The following NXPH1 variants were observed in gnomAD, a reference collection of about 807,000 sequenced individuals.
The protein encoded by NXPH1 is neurexophilin 1.
In NXPH1, 5 loss-of-function variants were observed where a neutral mutation model predicts 23.7. The ratio of observed to expected loss-of-function variants is 0.21; its 90% confidence interval spans 0.11 to 0.44. The LOEUF (loss-of-function observed/expected upper bound fraction) is 0.44. NXPH1 is among the 20% of genes least tolerant of loss of function. NXPH1 has a pLI of 0.99. For missense variants in NXPH1, 324 were observed against 321.6 expected (o/e 1.01, Z -0.06); for synonymous variants, 144 against 122.2 (o/e 1.18, Z -1.18).
intron 2 of NXPH1, among the ~76,000 whole-genome samples, chr7:8,574,792 G>T (rs1435073190): frequency 1.3e-5 from 2 of 152,132 alleles, no homozygotes; most frequent in African/African-American, 4.8e-5. Context: ...AGATTCATAG[G>T]ACCTCAAATA....
intron 2 of NXPH1, among the ~76,000 whole-genome samples, chr7:8,514,752 G>T (rs950249777): frequency 1.3e-5 from 2 of 152,002 alleles, no homozygotes; most frequent in Non-Finnish European, 2.9e-5. Context: ...TTTTTAAATT[G>T]CATGCTATTC....
At chr7:8,717,403 A>T (rs752339861) in intron 2 of NXPH1, among the ~76,000 whole-genome samples, 12 of 152,168 alleles carry the variant, frequency 7.9e-5, no homozygotes, top group Non-Finnish European at 1.5e-4. Context: ...TGACTGACTG[A>T]TCTTTAGTGA....
At chr7:8,588,687 A>C (rs573333665) in intron 2 of NXPH1, among the ~76,000 whole-genome samples, 184 of 152,258 alleles carry the variant, frequency 1.2e-3, no homozygotes, top group Middle Eastern at 3.4e-3. Flanking sequence ...GAATAGAGTC[A>C]CATGGCACAC....
At chr7:8,720,833 A>G (rs1779958957) in intron 2 of NXPH1, among the ~76,000 whole-genome samples, 1 of 152,256 alleles carries the variant, frequency 6.6e-6, no homozygotes, top group African/African-American at 2.4e-5. Flanking sequence ...CTAAAGTTCT[A>G]GAACTTTCCT....
At chr7:8,570,844 T>C (rs1453183953) in intron 2 of NXPH1, among the ~76,000 whole-genome samples, 1 of 151,698 alleles carries the variant, frequency 6.6e-6, no homozygotes, top group Admixed American at 6.6e-5. Context: ...TATATTTTGA[T>C]AATTTGGTAG....
intron 2 of NXPH1, among the ~76,000 whole-genome samples, chr7:8,712,743 C>T (rs1205081652): frequency 6.6e-6 from 1 of 152,192 alleles, no homozygotes; most frequent in African/African-American, 2.4e-5. Context: ...GAATATGAAA[C>T]TCAGAGAGGT....
chr7:8,531,428 T>A (rs946682882), intron 2 of NXPH1, among the ~76,000 whole-genome samples: 2 of 152,156 alleles, frequency 1.3e-5, no homozygotes, highest in Non-Finnish European at 1.5e-5. Flanking sequence ...AAACATCTCT[T>A]CCCAAGTGAG....
intron 2 of NXPH1, among the ~76,000 whole-genome samples, chr7:8,483,965 CTTTTT>C (rs60436502): frequency 7.6e-6 from 1 of 132,336 alleles, no homozygotes; most frequent in Admixed American, 7.4e-5. Context: ...CTCCCCCCAC[CTTTTT>C]TTTTTTTTTT....
intron 2 of NXPH1, among the ~76,000 whole-genome samples, chr7:8,626,598 T>C (rs1263720670): frequency 6.6e-6 from 1 of 152,096 alleles, no homozygotes; most frequent in Non-Finnish European, 1.5e-5. Flanking sequence ...TGCTAGTACT[T>C]TGTGCTAATA....
intron 2 of NXPH1, among the ~76,000 whole-genome samples, chr7:8,661,057 A>C (rs1170818775): frequency 1.3e-5 from 2 of 152,048 alleles, no homozygotes; most frequent in African/African-American, 4.8e-5. Context: ...AGTGACATAG[A>C]AAAATATAGC....
chr7:8,624,205 C>T (rs1239240462), intron 2 of NXPH1, among the ~76,000 whole-genome samples: 2 of 152,034 alleles, frequency 1.3e-5, no homozygotes, highest in African/African-American at 4.8e-5. Flanking sequence ...GGCATTAAGG[C>T]CTTACTGATT....
chr7:8,632,740 G>A (rs189354488), intron 2 of NXPH1, among the ~76,000 whole-genome samples: 16 of 152,262 alleles, frequency 1.1e-4, no homozygotes, highest in East Asian at 5.8e-4. Flanking sequence ...GAGAATTTCC[G>A]TGGTGTAGAG....
chr7:8,593,846 GA>G (rs1456233863), intron 2 of NXPH1, among the ~76,000 whole-genome samples: 1 of 151,956 alleles, frequency 6.6e-6, no homozygotes, highest in Non-Finnish European at 1.5e-5. Context: ...CCATAGATTG[GA>G]AGATCCAAAA....
At chr7:8,537,381 A>G (rs1818044623) in intron 2 of NXPH1, among the ~76,000 whole-genome samples, 1 of 151,998 alleles carries the variant, frequency 6.6e-6, no homozygotes, top group Non-Finnish European at 1.5e-5. Flanking sequence ...ACAATTTGGC[A>G]TGGCTGGGAG....
At chr7:8,457,642 C>T (rs577309124) in intron 2 of NXPH1, among the ~76,000 whole-genome samples, 3 of 151,592 alleles carry the variant, frequency 2.0e-5, no homozygotes, top group African/African-American at 7.3e-5. Context: ...TAGCTCCTGG[C>T]ATTCTCCCAT....
At chr7:8,497,537 T>C (rs549492442) in intron 2 of NXPH1, among the ~76,000 whole-genome samples, 22 of 152,302 alleles carry the variant, frequency 1.4e-4, no homozygotes, top group Non-Finnish European at 2.5e-4. Context: ...TTTCCTGACT[T>C]TTTAATGATC....
At chr7:8,631,505 AT>A (rs1394768653) in intron 2 of NXPH1, among the ~76,000 whole-genome samples, 1 of 152,190 alleles carries the variant, frequency 6.6e-6, no homozygotes, top group African/African-American at 2.4e-5. Context: ...AATGGGGGAA[AT>A]TTTTTGTAAA....
At chr7:8,593,360 C>A (rs1297408098) in intron 2 of NXPH1, among the ~76,000 whole-genome samples, 1 of 151,718 alleles carries the variant, frequency 6.6e-6, no homozygotes, top group Non-Finnish European at 1.5e-5. Flanking sequence ...AAGCAGGGCC[C>A]TGAAAACTGA....
chr7:8,589,767 C>A (rs569853649), intron 2 of NXPH1, among the ~76,000 whole-genome samples: 61 of 152,178 alleles, frequency 4.0e-4, no homozygotes, highest in South Asian at 2.3e-3. Flanking sequence ...GACCAGAGAG[C>A]AGGTCTACAG....
Sources: allele counts gnomAD v4.1 joint callset (sites outside exome capture counted in the v4.1 genomes callset), GRCh38; gene constraint gnomAD v4.1.1; transcripts MANE v1.5; gene names NCBI Gene and HGNC (gene_info 2026-07-23, HGNC 2026-07-21).